Variants in COL23A1 observed in about 807,000 individuals in gnomAD.
The protein encoded by COL23A1 is collagen type XXIII alpha 1 chain.
A neutral mutation model predicts 99.3 loss-of-function variants in COL23A1; 97 were observed. The ratio of observed to expected loss-of-function variants is 0.98; its 90% CI spans 0.83 to 1.16. The LOEUF (loss-of-function observed/expected upper bound fraction) is 1.16, where lower values mean the gene tolerates loss of function less well. COL23A1 is among the 50% of genes most tolerant of loss of function. The probability of loss-of-function intolerance (pLI) is 0.00; values close to 1 mark genes in which losing one functional copy is unlikely to be tolerated. For synonymous variants in COL23A1, 320 were observed against 308.2 expected (o/e 1.04, Z -0.40); for missense variants, 762 against 757.4 (o/e 1.01, Z -0.07).
chr5:178,251,992 C>T (rs1323195349), intron 17 of COL23A1, among the ~76,000 whole-genome samples: 4 of 149,254 alleles, frequency 2.7e-5, no homozygotes, highest in Admixed American at 6.8e-5. Flanking sequence ...TGGCTCATTG[C>T]GACCTCTGCC....
intron 2 of COL23A1, among the ~76,000 whole-genome samples, chr5:178,538,884 C>T (rs1761125612): frequency 6.6e-6 from 1 of 152,160 alleles, no homozygotes. Context: ...CAGAACATTA[C>T]TCAGCCATAA....
intron 3 of COL23A1, among the ~76,000 whole-genome samples, chr5:178,293,659 T>C (rs898516059): frequency 1.8e-5 from 2 of 113,044 alleles, no homozygotes; most frequent in South Asian, 5.4e-4. Context: ...TGAGTAAGAA[T>C]GAGGGAGGAG....
intron 1 of COL23A1, among the ~76,000 whole-genome samples, chr5:178,576,998 G>T (rs1581670368): frequency 6.6e-6 from 1 of 151,930 alleles, no homozygotes; most frequent in African/African-American, 2.4e-5. Context: ...GCCCCTCCTC[G>T]GGCAGCGGCC....
At chr5:178,406,436 T>A (rs1166630476) in intron 2 of COL23A1, among the ~76,000 whole-genome samples, 1 of 151,748 alleles carries the variant, frequency 6.6e-6, no homozygotes, top group Admixed American at 6.6e-5. Context: ...CTCTTTTTTT[T>A]TTTTTTTTCT....
chr5:178,491,097 GA>G (rs1034908692), intron 2 of COL23A1, among the ~76,000 whole-genome samples: 7 of 151,628 alleles, frequency 4.6e-5, no homozygotes, highest in East Asian at 3.9e-4. Context: ...GAAGAGAGAG[GA>G]GGGGGGAAAG....
chr5:178,247,916 C>A, intron 20 of COL23A1, 85 bp from the exon 21 acceptor site: 1 of 1,200,676 alleles, frequency 8.3e-7, no homozygotes, highest in African/African-American at 1.5e-5. Flanking sequence ...ACTGCTGGAT[C>A]GAGAGTCTCC....
In COL23A1 at chr5:178,280,084, C is replaced by T. The variant is rs1028913863; in HGVS notation, c.441+8240G>A. On this transcript the variant is annotated intron_variant, in intron 5 of 28. Coordinates refer to ENST00000390654, the MANE Select transcript of COL23A1 (RefSeq NM_173465.4). The surrounding 1 kb of genome is among the most constrained non-coding windows in gnomAD (Gnocchi z 4.9). ...AATGGATCAACAACGGTGAAGGGAACGATTCTCTGAATGAACGTCCATCCT... is the reference window on the plus strand; with the variant it reads ...AATGGATCAACAACGGTGAAGGGAATGATTCTCTGAATGAACGTCCATCCT... 2.6e-5 allele frequency among the ~76,000 whole-genome samples: 4 copies of T among 152,236 alleles called. No individual in the cohort carries two copies. Among genetic ancestry groups the T allele is most frequent in the Non-Finnish European group, 4.4e-5 (3 of 68,040 alleles).
intron 2 of COL23A1, among the ~76,000 whole-genome samples, chr5:178,403,716 A>G (rs779977982): frequency 1.2e-4 from 18 of 152,388 alleles, no homozygotes; most frequent in South Asian, 4.1e-4. Flanking sequence ...CATTGTTTGA[A>G]GCCGCTTCCC....
At chr5:178,526,104 T>A (rs1485518466) in intron 2 of COL23A1, among the ~76,000 whole-genome samples, 2 of 152,228 alleles carry the variant, frequency 1.3e-5, no homozygotes, top group Non-Finnish European at 2.9e-5. Flanking sequence ...GAGGGCTTCC[T>A]GAAGGAGAGA....
intron 2 of COL23A1, chr5:178,344,981 G>GAACC: frequency 1.7e-6 from 1 of 588,530 alleles, no homozygotes; most frequent in East Asian, 4.3e-5. Flanking sequence ...GGTGAAAAAG[G>GAACC]AACCTATTGC....
intron 2 of COL23A1, among the ~76,000 whole-genome samples, chr5:178,356,829 C>T (rs965224355): frequency 1.3e-5 from 2 of 152,020 alleles, no homozygotes; most frequent in African/African-American, 2.4e-5. Flanking sequence ...GCCAGGGCTC[C>T]GAGCCTCAGG....
chr5:178,259,814 C>A (rs2973747), intron 11 of COL23A1, 67 bp from the exon 12 acceptor site: 712,441 of 1,456,846 alleles, frequency 0.49, 175,626 homozygotes, highest in Admixed American at 0.57. Flanking sequence ...GGACCCCGGA[C>A]CTCTTGTTCC....
chr5:178,369,765 C>T (rs1762703264), intron 2 of COL23A1, among the ~76,000 whole-genome samples: 1 of 152,196 alleles, frequency 6.6e-6, no homozygotes. Flanking sequence ...CCAGGTGGAA[C>T]TGTAAGTCCA....
At chr5:178,561,520 G>C (rs73344475) in intron 1 of COL23A1, among the ~76,000 whole-genome samples, 179 of 152,224 alleles carry the variant, frequency 1.2e-3, no homozygotes, top group African/African-American at 3.9e-3. Context: ...CAGAACAAAC[G>C]GTCCCTGCCC....
At chr5:178,254,840 GCCTC>G (rs1297981550) in intron 16 of COL23A1, 105 bp downstream of exon 16, 3 of 942,432 alleles carry the variant, frequency 3.2e-6, no homozygotes, top group Non-Finnish European at 5.0e-6. Context: ...GTGCTAAGCT[GCCTC>G]TGGTCCCTTG....
At chr5:178,292,070 C>T (rs1195050895) in intron 3 of COL23A1, among the ~76,000 whole-genome samples, 1 of 152,174 alleles carries the variant, frequency 6.6e-6, no homozygotes, top group African/African-American at 2.4e-5. Context: ...ACATCTGTGC[C>T]TGTACCTGTG....
At chr5:178,488,786 C>A (rs1328007046) in intron 2 of COL23A1, among the ~76,000 whole-genome samples, 2 of 151,944 alleles carry the variant, frequency 1.3e-5, no homozygotes, top group Non-Finnish European at 2.9e-5. Flanking sequence ...GACGAGAGTT[C>A]TGGAGCTCCG....
chr5:178,359,914 C>T (rs986516543), intron 2 of COL23A1, among the ~76,000 whole-genome samples: 6 of 152,234 alleles, frequency 3.9e-5, no homozygotes, highest in South Asian at 4.2e-4. Context: ...CAGTGGAGAA[C>T]GAGGAGGGCT....
At chr5:178,521,144 C>G (rs1277545337) in intron 2 of COL23A1, among the ~76,000 whole-genome samples, 1 of 152,164 alleles carries the variant, frequency 6.6e-6, no homozygotes, top group East Asian at 1.9e-4. Context: ...TCTAAACATA[C>G]CTAAACATAT....
Sources: gnomAD v4.1 joint callset for allele counts (sites outside exome capture counted in the v4.1 genomes callset) on GRCh38, gnomAD v4.1.1 for gene constraint, Gnocchi (gnomAD v3.1) non-coding constraint, MANE v1.5 for transcripts, NCBI Gene and HGNC (gene_info 2026-07-23, HGNC 2026-07-21) for gene names.